Variants in LEPR observed in about 807,000 individuals in gnomAD.
LEPR encodes the protein leptin receptor.
LEPR carries 56 observed loss-of-function variants against 114.7 expected under a neutral mutation model. The ratio of observed to expected loss-of-function variants is 0.49; its 90% CI spans 0.39 to 0.61. The LOEUF (loss-of-function observed/expected upper bound fraction) is 0.61. LEPR is among the 20% of genes least tolerant of loss of function. The probability of loss-of-function intolerance (pLI) is 0.00; values close to 1 mark genes in which losing one functional copy is unlikely to be tolerated. For missense variants in LEPR, 1,202 were observed against 1,352.9 expected (o/e 0.89, Z 1.75); for synonymous variants, 443 against 461.4 (o/e 0.96, Z 0.51).
chr1:65,434,691 T>C (rs1283755250), intron 2 of LEPR: 1 of 985,400 alleles, frequency 1.0e-6, no homozygotes, highest in South Asian at 4.7e-5. Context: ...CTCCTTTTAA[T>C]TTTTCCACTC....
intron 2 of LEPR, among the ~76,000 whole-genome samples, chr1:65,523,054 G>GT (rs1341136439): frequency 6.6e-6 from 1 of 152,136 alleles, no homozygotes; most frequent in Non-Finnish European, 1.5e-5. Flanking sequence ...AGATTCAAAG[G>GT]TGTCTCCTAG....
At chr1:65,547,613 C>T (rs1025897049) in intron 2 of LEPR, among the ~76,000 whole-genome samples, 1 of 151,300 alleles carries the variant, frequency 6.6e-6, no homozygotes, top group South Asian at 2.1e-4. Context: ...TTGTAGTATT[C>T]TCTGATGGTA....
intron 2 of LEPR, among the ~76,000 whole-genome samples, chr1:65,544,254 G>T (rs1651468415): frequency 6.6e-6 from 1 of 151,922 alleles, no homozygotes; most frequent in South Asian, 2.1e-4. Context: ...CCTATTATTG[G>T]TGTATAGGAA....
At position 65,610,193 on chromosome 1, in the gene LEPR, A is replaced by G. The variant is rs764085315; in HGVS notation, c.1913-21A>G. On this transcript the variant is annotated intron_variant, in intron 13 of 19. Transcript: ENST00000349533. The stretch of plus-strand genomic sequence containing the variant: ...GAAAAGTATTTCTTCAAAAACATAT[A>G]CACAACTTGTCATTTTGCAGTTCCT... 5.6e-6 allele frequency: 9 copies of G among 1,613,978 alleles called. No individual in the cohort carries two copies. In the South Asian group the frequency reaches 9.9e-5, roughly 18 times the overall value.
At chr1:65,626,258 C>T in intron 19 of LEPR, 1 of 1,373,512 alleles carries the variant, frequency 7.3e-7, no homozygotes, top group Non-Finnish European at 9.5e-7. Context: ...TCTGACAGAC[C>T]TTATATACAA....
intron 6 of LEPR, 126 bp from the exon 7 acceptor site, chr1:65,596,322 A>T: frequency 1.7e-6 from 2 of 1,190,630 alleles, no homozygotes; most frequent in Non-Finnish European, 2.4e-6. Context: ...TAGTCCTTGG[A>T]TAAAGTCACC....
chr1:65,483,927 T>A, intron 2 of LEPR, among the ~76,000 whole-genome samples: 1 of 152,160 alleles, frequency 6.6e-6, no homozygotes, highest in East Asian at 1.9e-4. Context: ...TTTAAATTTT[T>A]AATTTTTTCC....
intron 10 of LEPR, among the ~76,000 whole-genome samples, chr1:65,603,447 T>G (rs372870980): frequency 6.6e-6 from 1 of 152,170 alleles, no homozygotes. Context: ...AGAATATAGA[T>G]TTTTTAGCTT....
chr1:65,618,988 A>G (rs1292514651), intron 16 of LEPR, among the ~76,000 whole-genome samples: 3 of 152,200 alleles, frequency 2.0e-5, no homozygotes, highest in Non-Finnish European at 2.9e-5. Flanking sequence ...GTATTCTCCC[A>G]AAGTTAGACC....
intron 2 of LEPR, among the ~76,000 whole-genome samples, chr1:65,554,360 A>G (rs1487971253): frequency 6.6e-6 from 1 of 152,056 alleles, no homozygotes; most frequent in Admixed American, 6.5e-5. Context: ...TGGGAGTTTT[A>G]TCTATAAGCC....
chr1:65,478,476 G>A (rs963100426), intron 2 of LEPR, among the ~76,000 whole-genome samples: 5 of 152,172 alleles, frequency 3.3e-5, no homozygotes, highest in Non-Finnish European at 7.3e-5. Flanking sequence ...CTGCTTCAGG[G>A]AGATGTATTT....
chr1:65,514,508 A>T (rs1224878135), intron 2 of LEPR, among the ~76,000 whole-genome samples: 1 of 152,228 alleles, frequency 6.6e-6, no homozygotes, highest in Non-Finnish European at 1.5e-5. Context: ...AGAAAAGTAA[A>T]TATAAACAGG....
chr1:65,576,094 C>T (rs1654565216), intron 5 of LEPR: 1 of 156,886 alleles, frequency 6.4e-6, no homozygotes, highest in Non-Finnish European at 1.4e-5. Flanking sequence ...CAAAGCCCGA[C>T]GAAGCACCAT....
At chr1:65,430,017 G>C in intron 2 of LEPR, 1 of 1,564,794 alleles carries the variant, frequency 6.4e-7, no homozygotes, top group Non-Finnish European at 8.7e-7. Flanking sequence ...TCTGCCTTTG[G>C]ATTTCCTGTT....
chr1:65,601,773 G>GA lies in LEPR; in HGVS notation c.1286-64dup. 3 of 1,586,850 alleles carry GA rather than the reference G, an allele frequency of 1.9e-6. No homozygotes were observed. In the Admixed American group the frequency reaches 5.2e-5, roughly 28 times the overall value. Reference sequence around the variant, plus strand: ...TATTAGAGTCCTGTTAAAGATGTAAGAAAAAATTTTTTTCATTGAATTTTT... The same window carrying GA: ...TATTAGAGTCCTGTTAAAGATGTAAGAAAAAAATTTTTTTCATTGAATTTTT... On this transcript the variant is annotated intron_variant, in intron 9 of 19. Transcript: ENST00000349533.
At position 65,592,810 on chromosome 1, in the gene LEPR, A is replaced by T. The variant is rs1421802611; in HGVS notation, c.648A>T (p.Thr216=). 1 of 1,613,332 alleles carries T rather than the reference A, an allele frequency of 6.2e-7. No individual in the cohort carries two copies. The highest frequency in any genetic ancestry group is 2.2e-5 in the East Asian group (1 of 44,868). ...NDTLLMCLKI[T]SGGVIFQSPL... ...CTCTCCTTATGTGTTTGAAAATCAC[A>T]TCTGGTGGAGTAATTTTCCAGTCAC... is the stretch of plus-strand genomic sequence containing the variant. Residue 216 remains threonine, a synonymous_variant, in exon 6 of 20, where the codon ACA becomes ACT. Transcript: ENST00000349533.
intron 17 of LEPR, 136 bp downstream of exon 17, chr1:65,620,159 G>A: frequency 1.4e-6 from 1 of 710,856 alleles, no homozygotes; most frequent in East Asian, 2.8e-5. Context: ...TTTTCATGGT[G>A]AGGTTCCAAA....
chr1:65,441,318 G>A (rs1215161460), intron 2 of LEPR, among the ~76,000 whole-genome samples: 1 of 152,128 alleles, frequency 6.6e-6, no homozygotes, highest in Non-Finnish European at 1.5e-5. Flanking sequence ...AGAGTGATGG[G>A]GGACAAGGGA....
At chr1:65,514,856 G>A (rs1369698587) in intron 2 of LEPR, among the ~76,000 whole-genome samples, 1 of 152,186 alleles carries the variant, frequency 6.6e-6, no homozygotes, top group Non-Finnish European at 1.5e-5. Context: ...CTAAGATACT[G>A]TCATAAATAC....
Sources: gnomAD v4.1 joint callset for allele counts (sites outside exome capture counted in the v4.1 genomes callset) on GRCh38, gnomAD v4.1.1 for gene constraint, MANE v1.5 for transcripts, NCBI Gene and HGNC (gene_info 2026-07-23, HGNC 2026-07-21) for gene names.